TMEM126A: variants seen among roughly 807,000 people sequenced by gnomAD.
TMEM126A encodes optic atrophy 7.
In TMEM126A, 10 loss-of-function variants were observed where a neutral mutation model predicts 18.3. The ratio of observed to expected loss-of-function variants is 0.55; its 90% CI spans 0.34 to 0.93. TMEM126A has a LOEUF of 0.93. Ranked by LOEUF, TMEM126A falls within the 40% of genes least tolerant of loss-of-function variation. The pLI is 0.02. For missense variants in TMEM126A, 246 were observed against 230.2 expected (o/e 1.07, Z -0.44); for synonymous variants, 68 against 78.1 (o/e 0.87, Z 0.68).
At chr11:85,654,944 A>G (rs2153313484) in intron 3 of TMEM126A, among the ~76,000 whole-genome samples, 1 of 151,648 alleles carries the variant, frequency 6.6e-6, no homozygotes, top group East Asian at 1.9e-4. Context: ...TTAAAGGGGG[A>G]AAATATTTTT....
chr11:85,649,340 C>CATGTAGGCCAT (rs2082483159), intron 1 of TMEM126A, among the ~76,000 whole-genome samples: 1 of 152,220 alleles, frequency 6.6e-6, no homozygotes, highest in South Asian at 2.1e-4. Flanking sequence ...AAACTACTGG[C>CATGTAGGCCAT]ATGTAGGCCA....
intron 2 of TMEM126A, 51 bp downstream of exon 2, chr11:85,650,392 C>T (rs753343269): frequency 1.8e-5 from 22 of 1,243,336 alleles, no homozygotes; most frequent in Non-Finnish European, 2.5e-5. Flanking sequence ...GGATTTTCAC[C>T]ATTGATTCAT....
chr11:85,655,501 TACCTGTGATACACAAAA>T, intron 3 of TMEM126A, 76 bp from the exon 4 acceptor site: 1 of 936,240 alleles, frequency 1.1e-6, no homozygotes, highest in Non-Finnish European at 1.8e-6. Context: ...ACCTGAAAAA[TACCTGTGATACACAAAA>T]GAGGATCTTA....
At chr11:85,654,311 G>C (rs1203299205) in intron 3 of TMEM126A, 55 bp downstream of exon 3, 1 of 1,527,472 alleles carries the variant, frequency 6.5e-7, no homozygotes, top group East Asian at 2.3e-5. Context: ...GTTATTTGCA[G>C]CTTTAGTCCA....
At position 85,655,651 on chromosome 11, in the gene TMEM126A, T is replaced by C. The variant is rs112759646; in HGVS notation, c.338T>C (p.Ile113Thr). 23 of 1,613,780 alleles carry C rather than the reference T, an allele frequency of 1.4e-5. No individual in the cohort carries two copies. In the African/African-American group the frequency reaches 2.5e-4, roughly 18 times the overall value. The change falls in exon 4 of 5, where the codon ATT becomes ACT. Residue 113 changes from isoleucine (I) to threonine (T), a missense_variant. Transcript: ENST00000304511. The stretch of plus-strand genomic sequence containing the variant: ...CGGAGTGGACTGACTGGTCTTGTTA[T>C]TGGTGGTCTATACCCTGTTTTCTTG... ...ITRSGLTGLV[I>T]GGLYPVFLAI...
chr11:85,653,988 T>C lies in TMEM126A; in HGVS notation c.87-75T>C, dbSNP rs187597263. Reference sequence around the variant, plus strand: ...CAGTTAGTGTATTCCCAAAGTCCTATAACACATGTCAAGATCGGGAAAGCT... The same window carrying C: ...CAGTTAGTGTATTCCCAAAGTCCTACAACACATGTCAAGATCGGGAAAGCT... On this transcript the variant is annotated intron_variant, in intron 2 of 4. Transcript: ENST00000304511. 3,376 of 1,531,432 alleles carry C rather than the reference T, an allele frequency of 2.2e-3. 9 individuals carry two copies. Among genetic ancestry groups the C allele is most frequent in the Admixed American group, 6.4e-3 (384 of 59,900 alleles). 94.9% of individuals were successfully genotyped at this position (1,531,432 alleles called of 1,614,324 possible).
chr11:85,648,574 T>TA (rs2082477604), intron 1 of TMEM126A, among the ~76,000 whole-genome samples: 1 of 152,212 alleles, frequency 6.6e-6, no homozygotes, highest in Admixed American at 6.5e-5. Flanking sequence ...TTGAGTGACT[T>TA]AATTGCCCTC....
At chr11:85,650,007 T>G (rs2153312307) in intron 1 of TMEM126A, among the ~76,000 whole-genome samples, 1 of 152,358 alleles carries the variant, frequency 6.6e-6, no homozygotes, top group South Asian at 2.1e-4. Context: ...CTTTTATGTT[T>G]AGTGCTATTT....
chr11:85,656,329 C>T lies in TMEM126A; in HGVS notation c.416C>T (p.Pro139Leu). 1 of 1,611,572 alleles carries T rather than the reference C, an allele frequency of 6.2e-7. No individual in the cohort carries two copies. The highest frequency in any genetic ancestry group is 1.3e-5 in the African/African-American group (1 of 74,944). ...TACAGGTATCAATCAGCTCTGTTAC[C>T]ACACAAAGGGAACATCTTAAGTTAC... ...LAARYQSALL[P>L]HKGNILSYWI... The change falls in exon 5 of 5, where the codon CCA becomes CTA. Residue 139 changes from proline (P) to leucine (L), a missense_variant. Pro to Leu is a moderately conservative substitution (Grantham distance 98). Coordinates refer to ENST00000304511, the MANE Select transcript of TMEM126A (RefSeq NM_032273.4).
In TMEM126A at chr11:85,655,667, T is replaced by C. The variant is rs767466864; in HGVS notation, c.354T>C (p.Pro118=). 27 of 1,613,584 alleles carry C rather than the reference T, an allele frequency of 1.7e-5. No individual in the cohort carries two copies. The highest frequency in any genetic ancestry group is 2.7e-5 in the African/African-American group (2 of 74,912). Residue 118 remains proline (P), a synonymous_variant, in exon 4 of 5, where the codon CCT becomes CCC. Transcript: ENST00000304511. ...LTGLVIGGLY[P]VFLAIPVNGG... is the part of the protein sequence containing the mutation. ...GTCTTGTTATTGGTGGTCTATACCC[T>C]GTTTTCTTGGCTATACCTGTAAATG...
At position 85,650,307 on chromosome 11, in the gene TMEM126A, T is replaced by C. The variant is rs1299509411; in HGVS notation, c.52T>C (p.Ser18Pro). The C allele has an allele frequency of 3.7e-6, 6 of 1,608,876 alleles. No individual in the cohort carries two copies. Among genetic ancestry groups the C allele is most frequent in the Non-Finnish European group, 5.1e-6 (6 of 1,176,050 alleles). The change falls in exon 2 of 5, where the codon TCC becomes CCC. Residue 18 changes from serine to proline, a missense_variant. By Grantham distance (74) the Ser-to-Pro change is moderately conservative. Transcript: ENST00000304511. ...NKENITIVDI[S>P]RKINQLPEAE... ...GGAAAACATAACAATTGTTGATATA[T>C]CCAGAAAAATTAACCAGCTTCCAGA...
Position 85,650,396 on chromosome 11 carries a change from G to T in TMEM126A, c.86+55G>T. On this transcript the variant is annotated intron_variant, in intron 2 of 4. Transcript: ENST00000304511. ...TTTTATCAGGTGGATTTTCACCATT[G>T]ATTCATTATCTCAAGTTTATCTGGT... 4 of 1,240,748 alleles carry T rather than the reference G, an allele frequency of 3.2e-6. No individual in the cohort carries two copies. The South Asian group carries it at 5.0e-5, about 15-fold the overall frequency. The allele number at this position is 1,240,748 out of a possible 1,614,324, so 76.9% of individuals were successfully genotyped here.
At chr11:85,654,308 G>A (rs1445912209) in intron 3 of TMEM126A, 52 bp downstream of exon 3, 1 of 1,547,988 alleles carries the variant, frequency 6.5e-7, no homozygotes, top group Admixed American at 1.7e-5. Context: ...TATGTTATTT[G>A]CAGCTTTAGT....
intron 3 of TMEM126A, 134 bp downstream of exon 3, chr11:85,654,390 G>T: frequency 1.2e-6 from 1 of 865,590 alleles, no homozygotes; most frequent in Non-Finnish European, 1.8e-6. Context: ...CCTATATAAT[G>T]TGGCAAATAA....
chr11:85,656,127 G>A (rs140100635), intron 4 of TMEM126A, among the ~76,000 whole-genome samples, 182 bp from the exon 5 acceptor site: 75 of 152,218 alleles, frequency 4.9e-4, no homozygotes, highest in Non-Finnish European at 1.0e-4. Flanking sequence ...AGCAATCTAT[G>A]CTATAGCCTT....
At chr11:85,650,600 A>G (rs2082492109) in intron 2 of TMEM126A, among the ~76,000 whole-genome samples, 1 of 152,250 alleles carries the variant, frequency 6.6e-6, no homozygotes, top group African/African-American at 2.4e-5. Context: ...CTTGGAGTAT[A>G]GTAAAATGTA....
chr11:85,648,817 C>T (rs1267317317), intron 1 of TMEM126A, among the ~76,000 whole-genome samples: 3 of 152,098 alleles, frequency 2.0e-5, no homozygotes, highest in African/African-American at 7.2e-5. Context: ...TTCCAAATGA[C>T]CTCTTATCGA....
chr11:85,655,637 G>C lies in TMEM126A; in HGVS notation c.324G>C (p.Leu108=). ...CCTGTACCATAACACGGAGTGGACT[G>C]ACTGGTCTTGTTATTGGTGGTCTAT... ...CETCTITRSG[L]TGLVIGGLYP... The change falls in exon 4 of 5, where the codon CTG becomes CTC. Residue 108 remains leucine, a synonymous_variant. Coordinates refer to ENST00000304511, the MANE Select transcript of TMEM126A (RefSeq NM_032273.4). The C allele has an allele frequency of 6.2e-7, 1 of 1,613,690 alleles. No homozygotes were observed. The highest frequency in any genetic ancestry group is 8.5e-7 in the Non-Finnish European group (1 of 1,179,718).
chr11:85,654,827 CATATATATGAAAATT>C (rs1237391131), intron 3 of TMEM126A, among the ~76,000 whole-genome samples: 3 of 150,622 alleles, frequency 2.0e-5, no homozygotes, highest in African/African-American at 7.3e-5. Context: ...TCCATATATA[CATATATATGAAAATT>C]ATATATATGG....
Sources: allele counts gnomAD v4.1 joint callset (sites outside exome capture counted in the v4.1 genomes callset), GRCh38; gene constraint gnomAD v4.1.1; transcripts MANE v1.5; gene names NCBI Gene and HGNC (gene_info 2026-07-23, HGNC 2026-07-21).